PANK1: variants seen among roughly 807,000 people sequenced by gnomAD.
PANK1 encodes the protein pantothenate kinase 1, also known as pantothenic acid kinase 1.
A neutral mutation model predicts 40.1 loss-of-function variants in PANK1; 18 were observed. That is an observed-to-expected ratio of 0.45 (90% CI 0.31 to 0.67). The LOEUF (loss-of-function observed/expected upper bound fraction) is 0.67. Ranked by LOEUF, PANK1 falls within the 30% of genes least tolerant of loss-of-function variation. PANK1 has a pLI of 0.06. For synonymous variants in PANK1, 242 were observed against 237.7 expected (o/e 1.02, Z -0.17); for missense variants, 457 against 599.6 (o/e 0.76, Z 2.48).
chr10:89,632,102 C>T (rs1841671184), intron 1 of PANK1, among the ~76,000 whole-genome samples: 1 of 151,938 alleles, frequency 6.6e-6, no homozygotes, highest in South Asian at 2.1e-4. Context: ...ATTATAGAAG[C>T]TGAGTGATAA....
intron 5 of PANK1, 46 bp from the exon 6 acceptor site, chr10:89,588,823 A>G (rs762889339): frequency 6.9e-7 from 1 of 1,451,764 alleles, no homozygotes; most frequent in Non-Finnish European, 9.3e-7. Flanking sequence ...GCATAAAAAT[A>G]GCATTTGGCA....
rs1205720885 is a variant in PANK1, at chr10:89,582,992, A to C, written c.*1414T>G. ...ATAACATATACACTAAAAACATCAC[A>C]ACAGAAACAGGCTTTATTTCAACCA... On this transcript the variant is annotated 3_prime_UTR_variant, in exon 7 of 7. Transcript: ENST00000307534. 1 of 152,220 alleles carries C rather than the reference A, an allele frequency of 6.6e-6. No individual in the cohort carries two copies. Among genetic ancestry groups the C allele is most frequent in the African/African-American group, 2.4e-5 (1 of 41,458 alleles). The allele number at this position is 152,220 out of a possible 1,614,324, so 9.4% of individuals were successfully genotyped here. A position where few individuals can be genotyped will look rare whatever the true frequency, so the allele number is the denominator to read the frequency against.
At chr10:89,627,231 G>GAA (rs34086662) in intron 1 of PANK1, among the ~76,000 whole-genome samples, 32,723 of 136,546 alleles carry the variant, frequency 0.24, 3,799 homozygotes, top group East Asian at 0.5. Context: ...GAAAATATTT[G>GAA]AAAAAAAAAA....
intron 1 of PANK1, among the ~76,000 whole-genome samples, chr10:89,622,401 A>G (rs1430608299): frequency 9.9e-5 from 15 of 152,208 alleles, no homozygotes; most frequent in Admixed American, 9.8e-4. Flanking sequence ...ACCACTGGGA[A>G]TGTAAACTGG....
At chr10:89,641,937 T>C (rs1406742433) in intron 1 of PANK1, among the ~76,000 whole-genome samples, 1 of 152,130 alleles carries the variant, frequency 6.6e-6, no homozygotes, top group Non-Finnish European at 1.5e-5. Context: ...TCACCTAGCC[T>C]AGCTCCAGCA....
chr10:89,596,017 G>A lies in PANK1; in HGVS notation c.900-2028C>T, dbSNP rs1016102383. 2.0e-5 allele frequency among the ~76,000 whole-genome samples: 3 copies of A among 151,218 alleles called. No homozygotes were observed. The South Asian group carries it at 6.3e-4, about 32-fold the overall frequency. ...TGCAGTTCCATGAGTAAAGGAAGAG[G>A]TCCATGTACATTATTACCTTCACAA... On this transcript the variant is annotated intron_variant, in intron 3 of 6. Coordinates refer to ENST00000307534, the MANE Select transcript of PANK1 (RefSeq NM_148977.3).
At position 89,611,987 on chromosome 10, in the gene PANK1, C is replaced by T. The variant is rs772935952; in HGVS notation, c.354G>A (p.Pro118=). The T allele has an allele frequency of 5.6e-6, 9 of 1,613,994 alleles. No individual in the cohort carries two copies. In the South Asian group the frequency reaches 6.6e-5, roughly 12 times the overall value. Residue 118 remains proline, a synonymous_variant, in exon 2 of 7, where the codon CCG becomes CCA. Coordinates refer to ENST00000307534, the MANE Select transcript of PANK1 (RefSeq NM_148977.3). ...GCTCCTCTTCGGCTGTAATATCCTT[C>T]GGCTCGAAATACACCAATTTAACCA... The part of the protein sequence containing the change: ...GTLVKLVYFE[P]KDITAEEEQE...
Position 89,644,811 on chromosome 10 carries a change from C to A in PANK1, c.81G>T (p.Val27=). The A allele has an allele frequency of 5.5e-6, 8 of 1,460,724 alleles. No individual in the cohort carries two copies. Among genetic ancestry groups the A allele is most frequent in the Non-Finnish European group, 7.2e-6 (8 of 1,115,070 alleles). The allele number at this position is 1,460,724 out of a possible 1,614,324, so 90.5% of individuals were successfully genotyped here. ...GAPVGTSAAA[V]NGLLHNGFHP... ...GGAAGCCGTTGTGCAGCAGCCCGTT[C>A]ACAGCGGCGGCGCTGGTGCCCACGG... The change falls in exon 1 of 7, where the codon GTG becomes GTT. Residue 27 remains valine, a synonymous_variant. Coordinates refer to ENST00000307534, the MANE Select transcript of PANK1 (RefSeq NM_148977.3).
chr10:89,634,695 C>T (rs1414645279), intron 1 of PANK1, among the ~76,000 whole-genome samples: 1 of 152,184 alleles, frequency 6.6e-6, no homozygotes, highest in African/African-American at 2.4e-5. Context: ...ATAACTGCCT[C>T]ACTCAAGGGC....
In PANK1 at chr10:89,645,060, C is replaced by T. The variant is rs1296145207; in HGVS notation, c.-169G>A. 11 of 1,557,382 alleles carry T rather than the reference C, an allele frequency of 7.1e-6. No individual in the cohort carries two copies. Among genetic ancestry groups the T allele is most frequent in the Non-Finnish European group, 9.5e-6 (11 of 1,157,098 alleles). On this transcript the variant is annotated 5_prime_UTR_variant, in exon 1 of 7. Transcript: ENST00000307534. ...GGCGCTCCTCCCCTCCTCCTGCCGA[C>T]TCCCCCACCTCCTCTGCGCCCTGCC...
intron 1 of PANK1, among the ~76,000 whole-genome samples, chr10:89,618,831 G>T (rs1014824301): frequency 3.9e-5 from 6 of 152,230 alleles, no homozygotes; most frequent in African/African-American, 1.4e-4. Flanking sequence ...CTATCACCTG[G>T]GTCTCAAAGT....
At chr10:89,623,662 T>G (rs1845572968) in intron 1 of PANK1, among the ~76,000 whole-genome samples, 1 of 152,196 alleles carries the variant, frequency 6.6e-6, no homozygotes, top group Admixed American at 6.5e-5. Flanking sequence ...ATAGCAGGTC[T>G]GTGGTCCTGC....
At chr10:89,601,012 A>G (rs1315917526) in intron 2 of PANK1, among the ~76,000 whole-genome samples, 1 of 152,204 alleles carries the variant, frequency 6.6e-6, no homozygotes, top group Non-Finnish European at 1.5e-5. Context: ...CAGAACTTAA[A>G]TAACTTTCCC....
intron 1 of PANK1, among the ~76,000 whole-genome samples, chr10:89,624,329 T>C (rs543932912): frequency 1.3e-4 from 20 of 152,178 alleles, no homozygotes; most frequent in Non-Finnish European, 2.6e-4. Context: ...TATATGAACA[T>C]TTAGGTTAAG....
At chr10:89,644,372 T>A (rs1842050932) in intron 1 of PANK1, among the ~76,000 whole-genome samples, 1 of 152,174 alleles carries the variant, frequency 6.6e-6, no homozygotes, top group African/African-American at 2.4e-5. Context: ...TGTCCAATCC[T>A]CGTTCTACTG....
chr10:89,588,538 TA>T, intron 6 of PANK1, 113 bp downstream of exon 6: 1 of 751,514 alleles, frequency 1.3e-6, no homozygotes, highest in Non-Finnish European at 2.0e-6. Flanking sequence ...ATGCAAAGTG[TA>T]AATGGCAACT....
intron 1 of PANK1, among the ~76,000 whole-genome samples, chr10:89,630,277 G>A (rs187792352): frequency 2.1e-4 from 32 of 152,294 alleles, no homozygotes; most frequent in African/African-American, 7.7e-4. Context: ...CAACGACTGT[G>A]AAAAATGAGT....
At chr10:89,623,310 C>T (rs1845557331) in intron 1 of PANK1, among the ~76,000 whole-genome samples, 1 of 152,182 alleles carries the variant, frequency 6.6e-6, no homozygotes, top group African/African-American at 2.4e-5. Context: ...CAAGCTCCGC[C>T]TCCTGGGTTA....
intron 1 of PANK1, among the ~76,000 whole-genome samples, chr10:89,636,514 C>T (rs970217714): frequency 4.6e-5 from 7 of 151,868 alleles, no homozygotes; most frequent in Admixed American, 1.3e-4. Context: ...TGCAGTGGTG[C>T]GATCTTGGCT....
Sources: gnomAD v4.1 joint callset for allele counts (sites outside exome capture counted in the v4.1 genomes callset) on GRCh38, gnomAD v4.1.1 for gene constraint, MANE v1.5 for transcripts, NCBI Gene and HGNC (gene_info 2026-07-23, HGNC 2026-07-21) for gene names.